DPP6: variants seen among roughly 807,000 people sequenced by gnomAD.
The protein encoded by DPP6 is A-type potassium channel modulatory protein DPP6.
A neutral mutation model predicts 122.6 loss-of-function variants in DPP6; 69 were observed. That is an observed-to-expected ratio of 0.56 (90% confidence interval 0.46 to 0.69). The LOEUF is 0.69. Ranked by LOEUF, DPP6 falls within the 30% of genes least tolerant of loss-of-function variation. DPP6 has a pLI of 0.00. For synonymous variants in DPP6, 418 were observed against 433.1 expected, an observed-to-expected ratio of 0.97 and a Z score of 0.43; for missense variants, 928 against 1,116.9, an observed-to-expected ratio of 0.83 and a Z score of 2.41.
chr7:154,679,859 T>C (rs985587679), intron 7 of DPP6, among the ~76,000 whole-genome samples: 3 of 152,040 alleles, frequency 2.0e-5, no homozygotes, highest in Admixed American at 1.3e-4. Context: ...TGGAGACAGT[T>C]TGGTGAGTGA....
At chr7:154,493,461 G>C (rs1563756593) in intron 3 of DPP6, among the ~76,000 whole-genome samples, 1 of 151,318 alleles carries the variant, frequency 6.6e-6, no homozygotes, top group Non-Finnish European at 1.5e-5. Context: ...AAAGAATTGA[G>C]GATTGGTGGC....
chr7:154,137,337 G>T (rs1156435491), intron 1 of DPP6, among the ~76,000 whole-genome samples: 1 of 151,788 alleles, frequency 6.6e-6, no homozygotes, highest in Admixed American at 6.6e-5. Context: ...TCCACTGCCT[G>T]TACATGCCTT....
intron 1 of DPP6, among the ~76,000 whole-genome samples, chr7:154,188,121 G>A (rs1563294329): frequency 6.6e-6 from 1 of 152,112 alleles, no homozygotes; most frequent in Admixed American, 6.5e-5. Context: ...CGTAAAGACC[G>A]GGAGTGGAAG....
the DPP6 span, among the ~76,000 whole-genome samples, chr7:153,861,593 C>T: frequency 6.6e-6 from 1 of 152,162 alleles, no homozygotes; most frequent in Non-Finnish European, 1.5e-5. Flanking sequence ...TATGCATCCT[C>T]CCTTTTTTAT....
chr7:154,162,607 G>T (rs1289633365), intron 1 of DPP6, among the ~76,000 whole-genome samples: 2 of 152,180 alleles, frequency 1.3e-5, no homozygotes, highest in East Asian at 3.9e-4. Context: ...TATGTTGCTA[G>T]TGTTGAGTGG....
upstream of DPP6, among the ~76,000 whole-genome samples, chr7:153,884,024 TATAA>T (rs1376405435): frequency 1.3e-5 from 2 of 152,198 alleles, no homozygotes; most frequent in Non-Finnish European, 2.9e-5. Context: ...ATTTTTTATA[TATAA>T]ACTTTAAGTT....
At chr7:154,515,219 G>C (rs761206178) in intron 3 of DPP6, among the ~76,000 whole-genome samples, 48 of 152,176 alleles carry the variant, frequency 3.2e-4, no homozygotes, top group Non-Finnish European at 3.1e-4. Flanking sequence ...TGAATGGCCT[G>C]TCATAAAATT....
At chr7:154,270,742 G>T (rs917476422) in intron 1 of DPP6, among the ~76,000 whole-genome samples, 8 of 152,164 alleles carry the variant, frequency 5.3e-5, no homozygotes, top group African/African-American at 1.9e-4. Flanking sequence ...AACAGGGGAT[G>T]ACTTTTCCTC....
intron 6 of DPP6, among the ~76,000 whole-genome samples, chr7:154,663,212 T>C (rs1252169070): frequency 1.4e-5 from 1 of 72,622 alleles, no homozygotes; most frequent in African/African-American, 3.6e-5. Context: ...GCATGGTGTA[T>C]TGGCGCTTGT....
At chr7:154,454,272 T>TG (rs1457422451) in intron 2 of DPP6, among the ~76,000 whole-genome samples, 6 of 152,298 alleles carry the variant, frequency 3.9e-5, no homozygotes, top group Middle Eastern at 3.4e-3. Flanking sequence ...CTGACTGGAT[T>TG]GGGGATGGTG....
chr7:153,901,150 A>G (rs929216109), intron 1 of DPP6, among the ~76,000 whole-genome samples: 3 of 152,202 alleles, frequency 2.0e-5, no homozygotes, highest in Non-Finnish European at 4.4e-5. Context: ...TAAAGGAGAT[A>G]ATGCTAAAAT....
intron 1 of DPP6, among the ~76,000 whole-genome samples, chr7:154,236,271 C>T (rs1801207805): frequency 6.6e-6 from 1 of 152,136 alleles, no homozygotes; most frequent in South Asian, 2.1e-4. Context: ...ACATTTTAAA[C>T]ACCCTTAAAA....
intron 10 of DPP6, among the ~76,000 whole-genome samples, chr7:154,776,199 TGATAGATA>T (rs5888595): frequency 0.14 from 20,500 of 148,482 alleles, 1,579 homozygotes; most frequent in East Asian, 0.23. Context: ...CCATGATAGA[TGATAGATA>T]GATAGATAGA....
chr7:153,749,057 A>G, the DPP6 span, among the ~76,000 whole-genome samples: 1 of 152,070 alleles, frequency 6.6e-6, no homozygotes, highest in African/African-American at 2.4e-5. This position sits in a 1 kb window ranked among gnomAD's most constrained non-coding sequence, Gnocchi z 4.1. Context: ...TGGGGCGCAG[A>G]TGGAGGCTAC....
At chr7:153,989,342 AGT>A (rs1227323176) in intron 1 of DPP6, among the ~76,000 whole-genome samples, 15 of 150,194 alleles carry the variant, frequency 1.0e-4, no homozygotes, top group African/African-American at 2.7e-4. Flanking sequence ...TGAGTGTGCA[AGT>A]GTGTGAGTGT....
At chr7:154,825,420 C>T (rs775245411) in intron 16 of DPP6, among the ~76,000 whole-genome samples, 14 of 152,228 alleles carry the variant, frequency 9.2e-5, no homozygotes, top group Non-Finnish European at 1.6e-4. Context: ...CACTTCAGCA[C>T]GCATAAATTG....
intron 1 of DPP6, among the ~76,000 whole-genome samples, chr7:153,971,498 G>A (rs1585111808): frequency 6.9e-6 from 1 of 144,386 alleles, no homozygotes; most frequent in East Asian, 2.3e-4. Context: ...ATCTCTGCCT[G>A]GGTTCTAGAT....
At chr7:154,170,349 T>C (rs1180150967) in intron 1 of DPP6, among the ~76,000 whole-genome samples, 2 of 152,078 alleles carry the variant, frequency 1.3e-5, no homozygotes, top group Non-Finnish European at 2.9e-5. Flanking sequence ...TTCCTAACTT[T>C]CCTAAGTTTC....
chr7:154,245,652 A>AAAAAAAAAAAAAAAAAAAAAAAAAAAT (rs1801936236), intron 1 of DPP6, among the ~76,000 whole-genome samples: 1 of 144,748 alleles, frequency 6.9e-6, no homozygotes, highest in African/African-American at 2.6e-5. Flanking sequence ...AAAAAAAAAA[A>AAAAAAAAAAAAAAAAAAAAAAAAAAAT]GCTATGGCTA....
Sources: allele counts gnomAD v4.1 joint callset (sites outside exome capture counted in the v4.1 genomes callset), GRCh38; gene constraint gnomAD v4.1.1; non-coding constraint Gnocchi (gnomAD v3.1); transcripts MANE v1.5; gene names NCBI Gene and HGNC (gene_info 2026-07-23, HGNC 2026-07-21).